Variants in CACNA1C observed in about 807,000 individuals in gnomAD.
CACNA1C encodes calcium voltage-gated channel subunit alpha1 C.
In CACNA1C, 30 loss-of-function variants were observed where a neutral mutation model predicts 229.0. That is an observed-to-expected ratio of 0.13 (90% CI 0.10 to 0.18). The LOEUF (loss-of-function observed/expected upper bound fraction) is 0.18. Among genes scored for constraint, CACNA1C ranks in the 10% least tolerant of loss-of-function variants. The probability of loss-of-function intolerance (pLI) is 1.00; values close to 1 mark genes in which losing one functional copy is unlikely to be tolerated. For synonymous variants in CACNA1C, 1,114 were observed against 1,132.5 expected, an observed-to-expected ratio of 0.98 and a Z score of 0.33; for missense variants, 1,658 against 2,845.0, an observed-to-expected ratio of 0.58 and a Z score of 9.49.
rs931337439 is a variant in CACNA1C, at chr12:2,314,057, T to TC, written c.478-134912dup. Among the ~76,000 whole-genome samples, 70 of 152,094 alleles carry TC rather than the reference T, an allele frequency of 4.6e-4. 1 individual carries two copies. Among genetic ancestry groups the TC allele is most frequent in the African/African-American group, 1.5e-3 (64 of 41,470 alleles). On this transcript the variant is annotated intron_variant, in intron 3 of 46. Coordinates refer to ENST00000399655, the MANE Select transcript of CACNA1C (RefSeq NM_000719.7). ...CCCAGCCCTTTCCTCTGTCTTATCC[T>TC]CCCCCCCACTTCTTATTCCCTTTGA...
intron 3 of CACNA1C, among the ~76,000 whole-genome samples, chr12:2,372,704 G>T (rs2097903823): frequency 6.6e-6 from 1 of 152,150 alleles, no homozygotes; most frequent in Non-Finnish European, 1.5e-5. Flanking sequence ...TAGTTTGAGG[G>T]TCAATCCCTA....
At chr12:2,020,067 T>C (rs1593820027) in intron 1 of CACNA1C, 1 of 152,306 alleles carries the variant, frequency 6.6e-6, no homozygotes, top group East Asian at 1.9e-4. Context: ...TCTCTTTCCC[T>C]CTCTCACATG....
Position 2,467,321 on chromosome 12 carries a change from G to A in CACNA1C, c.757+9615G>A, listed in dbSNP as rs1482655956. Among the ~76,000 whole-genome samples the A allele has an allele frequency of 6.6e-6, 1 of 152,210 alleles. No individual in the cohort carries two copies. Among genetic ancestry groups the A allele is most frequent in the African/African-American group, 2.4e-5 (1 of 41,450 alleles). Reference sequence around the variant, plus strand: ...TCCATTCTGCAGAGAGGAGCCCTGAGGCCAGAGGGCCACATGGCTTCCTTA... The same window carrying A: ...TCCATTCTGCAGAGAGGAGCCCTGAAGCCAGAGGGCCACATGGCTTCCTTA... On this transcript the variant is annotated intron_variant, in intron 5 of 46. Coordinates refer to ENST00000399655, the MANE Select transcript of CACNA1C (RefSeq NM_000719.7). The surrounding 1 kb of genome is among the most constrained non-coding windows in gnomAD (Gnocchi z 4.6).
chr12:2,439,373 G>C (rs1020092392), intron 3 of CACNA1C, among the ~76,000 whole-genome samples: 1 of 152,210 alleles, frequency 6.6e-6, no homozygotes. Context: ...TTGGAAAAAC[G>C]TGGGCCATAA....
At chr12:2,507,673 G>A (rs765961332) in intron 8 of CACNA1C, among the ~76,000 whole-genome samples, 1 of 152,188 alleles carries the variant, frequency 6.6e-6, no homozygotes. Context: ...CGCTAGATTC[G>A]CTCAGTTAAT....
chr12:2,284,615 A>G (rs2092312732), intron 3 of CACNA1C, among the ~76,000 whole-genome samples: 5 of 152,264 alleles, frequency 3.3e-5, no homozygotes, highest in African/African-American at 7.2e-5. Flanking sequence ...AAAGTGAGGC[A>G]TACACTGGCA....
intron 3 of CACNA1C, among the ~76,000 whole-genome samples, chr12:2,390,131 T>C (rs1462688664): frequency 3.3e-5 from 5 of 152,212 alleles, no homozygotes; most frequent in African/African-American, 4.8e-5. Context: ...TAGGTACGTC[T>C]TCTTTAAGAT....
intron 13 of CACNA1C, among the ~76,000 whole-genome samples, chr12:2,576,419 G>C (rs543442839): frequency 1.3e-5 from 2 of 152,306 alleles, no homozygotes; most frequent in East Asian, 3.9e-4. Context: ...ATGAGAGAGT[G>C]CTTCATTTTT....
At chr12:2,231,354 C>T (rs141572926) in intron 3 of CACNA1C, among the ~76,000 whole-genome samples, 3 of 152,286 alleles carry the variant, frequency 2.0e-5, no homozygotes, top group Admixed American at 1.3e-4. Flanking sequence ...TAAGCCATTC[C>T]GTTCTGAAAA....
intron 3 of CACNA1C, among the ~76,000 whole-genome samples, chr12:2,328,244 TAGTACCTGG>T (rs997887485): frequency 6.6e-6 from 1 of 152,214 alleles, no homozygotes; most frequent in African/African-American, 2.4e-5. Flanking sequence ...TCTTTCTTCT[TAGTACCTGG>T]GTAGCAGAAC....
chr12:2,394,772 G>A (rs549910697), intron 3 of CACNA1C, among the ~76,000 whole-genome samples: 7 of 152,142 alleles, frequency 4.6e-5, no homozygotes, highest in Admixed American at 3.9e-4. Context: ...TAGAGCCCAC[G>A]TTTGGAGAAA....
intron 3 of CACNA1C, among the ~76,000 whole-genome samples, chr12:2,176,518 C>T (rs1022288806): frequency 1.1e-4 from 17 of 151,692 alleles, no homozygotes; most frequent in Non-Finnish European, 2.2e-4. Context: ...AAGCAGAGAG[C>T]CTTCAGCCCT....
chr12:2,450,920 G>T (rs967963444), intron 4 of CACNA1C, among the ~76,000 whole-genome samples: 1 of 152,168 alleles, frequency 6.6e-6, no homozygotes, highest in Non-Finnish European at 1.5e-5. Flanking sequence ...AGGAAATGAC[G>T]CAGGAGGACG....
chr12:2,620,202 C>A (rs906821021), intron 29 of CACNA1C, among the ~76,000 whole-genome samples: 32 of 152,236 alleles, frequency 2.1e-4, no homozygotes, highest in African/African-American at 7.2e-4. Context: ...CCAGAGCTGG[C>A]TTTTTGTTGT....
At chr12:2,544,463 A>G (rs1403394954) in intron 9 of CACNA1C, among the ~76,000 whole-genome samples, 2 of 152,218 alleles carry the variant, frequency 1.3e-5, no homozygotes, top group African/African-American at 4.8e-5. Flanking sequence ...GTGGTGACCA[A>G]CTTCCCACCT....
intron 18 of CACNA1C, among the ~76,000 whole-genome samples, chr12:2,587,600 A>T (rs74053843): frequency 0.033 from 4,998 of 152,052 alleles, 281 homozygotes; most frequent in African/African-American, 0.11. Flanking sequence ...AAGAATGTTA[A>T]TTTTAAAAAA....
At chr12:2,470,359 T>C (rs1195989117) in intron 5 of CACNA1C, among the ~76,000 whole-genome samples, 1 of 152,104 alleles carries the variant, frequency 6.6e-6, no homozygotes, top group Non-Finnish European at 1.5e-5. Flanking sequence ...ATGGCAATAA[T>C]AAAGGCCACT....
At chr12:2,552,147 G>A (rs939244543) in intron 10 of CACNA1C, among the ~76,000 whole-genome samples, 33 of 152,192 alleles carry the variant, frequency 2.2e-4, no homozygotes, top group African/African-American at 7.2e-4. Context: ...CCTGGAAGCC[G>A]CGGGAGGAGG....
intron 3 of CACNA1C, among the ~76,000 whole-genome samples, chr12:2,437,989 A>ATGG (rs955790808): frequency 4.6e-5 from 6 of 130,444 alleles, no homozygotes; most frequent in African/African-American, 9.0e-5. Context: ...GATGGTGATG[A>ATGG]TGGTGGTGGT....
Sources: allele counts gnomAD v4.1 joint callset (sites outside exome capture counted in the v4.1 genomes callset), GRCh38; gene constraint gnomAD v4.1.1; non-coding constraint Gnocchi (gnomAD v3.1); transcripts MANE v1.5; gene names NCBI Gene and HGNC (gene_info 2026-07-23, HGNC 2026-07-21).